Variants in PIK3C2G observed in about 807,000 individuals in gnomAD.
PIK3C2G encodes phosphatidylinositol 3-kinase C2 domain-containing subunit gamma.
In PIK3C2G, 168 loss-of-function variants were observed where a neutral mutation model predicts 181.1. The ratio of observed to expected loss-of-function variants is 0.93; its 90% CI spans 0.82 to 1.05. The LOEUF (loss-of-function observed/expected upper bound fraction) is 1.05. Among genes scored for constraint, PIK3C2G ranks in the 50% least tolerant of loss-of-function variants. The pLI is 0.00. For synonymous variants in PIK3C2G, 573 were observed against 592.2 expected (o/e 0.97, Z 0.47); for missense variants, 1,869 against 1,732.8 (o/e 1.08, Z -1.40).
At chr12:18,507,640 T>A (rs1236895002) in intron 24 of PIK3C2G, among the ~76,000 whole-genome samples, 1 of 152,182 alleles carries the variant, frequency 6.6e-6, no homozygotes, top group Non-Finnish European at 1.5e-5. Flanking sequence ...TCTACCTTTT[T>A]CTAAAAATTC....
At chr12:18,379,162 C>A (rs1220896706) in intron 13 of PIK3C2G, among the ~76,000 whole-genome samples, 1 of 151,960 alleles carries the variant, frequency 6.6e-6, no homozygotes, top group African/African-American at 2.4e-5. Context: ...GACACATATA[C>A]ACCATGGAAT....
chr12:18,696,060 A>G, the PIK3C2G span: 1 of 701,412 alleles, frequency 1.4e-6, no homozygotes, highest in Non-Finnish European at 2.4e-6. Flanking sequence ...TCTTTTACAG[A>G]AAGCCCTTTT....
At chr12:18,512,642 G>A (rs1942283176) in intron 24 of PIK3C2G, among the ~76,000 whole-genome samples, 2 of 151,728 alleles carry the variant, frequency 1.3e-5, no homozygotes, top group African/African-American at 4.8e-5. Context: ...TTGTATGTTT[G>A]TTTTGTGTCT....
chr12:18,555,738 C>T (rs554803768), intron 26 of PIK3C2G, among the ~76,000 whole-genome samples: 2 of 152,022 alleles, frequency 1.3e-5, no homozygotes, highest in African/African-American at 2.4e-5. Flanking sequence ...TACCTTTGAT[C>T]CACCTGAGAA....
At position 18,562,778 on chromosome 12, in the gene PIK3C2G, CAT is replaced by C; in HGVS notation, c.3668_3669del (p.Ile1223LysfsTer21). 6.2e-7 allele frequency: 1 copy of C among 1,607,530 alleles called. No homozygotes were observed. The highest frequency in any genetic ancestry group is 1.1e-5 in the South Asian group (1 of 89,782). ...TCCACACACTTGCACAAATGTCAGC[CAT>C]AAGCCCTGCCAAATCTACTTCACAG... is the stretch of plus-strand genomic sequence containing the variant. Reference protein sequence around the residue: ...LIHTLAQMSAISPAKSTSQTF... With the variant: ...LIHTLAQMSAXSPAKSTSQTF... On this transcript the variant is annotated frameshift_variant, in exon 27 of 33. Coordinates refer to ENST00000538779, the MANE Select transcript of PIK3C2G (RefSeq NM_001288772.2). LOFTEE classifies it high-confidence loss of function.
At chr12:18,721,372 G>C in the PIK3C2G span, among the ~76,000 whole-genome samples, 1 of 152,006 alleles carries the variant, frequency 6.6e-6, no homozygotes. Flanking sequence ...ACACCAAAGT[G>C]ATCAATAATC....
At chr12:18,264,807 C>A (rs1361591003) in intron 1 of PIK3C2G, among the ~76,000 whole-genome samples, 1 of 152,102 alleles carries the variant, frequency 6.6e-6, no homozygotes, top group Non-Finnish European at 1.5e-5. Context: ...TCTCTCTGGG[C>A]GTGGGGAGAA....
chr12:18,678,698 C>G, the PIK3C2G span, among the ~76,000 whole-genome samples: 2 of 152,068 alleles, frequency 1.3e-5, 1 homozygote, highest in Middle Eastern at 6.8e-3. Flanking sequence ...TCCTTTATTA[C>G]ATTAAATAGT....
At chr12:18,670,058 C>T in the PIK3C2G span, among the ~76,000 whole-genome samples, 1 of 152,082 alleles carries the variant, frequency 6.6e-6, no homozygotes, top group African/African-American at 2.4e-5. Flanking sequence ...AAAGATCCTA[C>T]CTCCTAATAC....
chr12:18,355,417 A>T (rs1046690743), intron 11 of PIK3C2G, among the ~76,000 whole-genome samples: 2 of 152,224 alleles, frequency 1.3e-5, no homozygotes, highest in Non-Finnish European at 2.9e-5. Context: ...CCAGGGAAAG[A>T]ACCTCTTGCT....
At chr12:18,307,346 A>G (rs1345711433) in intron 5 of PIK3C2G, among the ~76,000 whole-genome samples, 2 of 151,728 alleles carry the variant, frequency 1.3e-5, no homozygotes, top group African/African-American at 4.8e-5. Flanking sequence ...ATTAATATAC[A>G]GAAAGTTTGA....
chr12:18,526,203 CA>C (rs1447146886), intron 24 of PIK3C2G, among the ~76,000 whole-genome samples: 1 of 152,156 alleles, frequency 6.6e-6, no homozygotes, highest in Non-Finnish European at 1.5e-5. Context: ...CATTCTCCTT[CA>C]GTACAATATT....
chr12:18,480,459 G>A (rs1442558468), intron 18 of PIK3C2G, among the ~76,000 whole-genome samples: 5 of 152,054 alleles, frequency 3.3e-5, no homozygotes, highest in East Asian at 1.9e-4. Flanking sequence ...CATATGTTAC[G>A]TGTTAACATA....
intron 5 of PIK3C2G, among the ~76,000 whole-genome samples, chr12:18,311,374 T>C: frequency 6.6e-6 from 1 of 152,240 alleles, no homozygotes; most frequent in South Asian, 2.1e-4. Context: ...TGTAGTATTT[T>C]ATATGTAGTT....
intron 1 of PIK3C2G, among the ~76,000 whole-genome samples, chr12:18,250,269 GAAAA>G (rs529293335): frequency 1.3e-5 from 2 of 151,382 alleles, no homozygotes. Flanking sequence ...TGTACCAACA[GAAAA>G]AAAAGTGAAA....
the PIK3C2G span, among the ~76,000 whole-genome samples, chr12:18,717,236 TA>T: frequency 2.3e-3 from 351 of 152,200 alleles, 3 homozygotes; most frequent in Non-Finnish European, 6.8e-4. Flanking sequence ...TTTTCTCTCT[TA>T]AAAAAATTAA....
chr12:18,565,048 T>A (rs1476590620), intron 28 of PIK3C2G, among the ~76,000 whole-genome samples: 1 of 152,190 alleles, frequency 6.6e-6, no homozygotes, highest in African/African-American at 2.4e-5. Context: ...TCAAACTGTG[T>A]AAGCAACCTG....
chr12:18,556,682 A>G (rs566854114), intron 26 of PIK3C2G, among the ~76,000 whole-genome samples: 13 of 152,170 alleles, frequency 8.5e-5, no homozygotes, highest in Non-Finnish European at 1.5e-4. Context: ...TCCATAAATC[A>G]TGATTAATAT....
chr12:18,587,969 G>A (rs960750580), intron 29 of PIK3C2G, among the ~76,000 whole-genome samples: 1 of 151,788 alleles, frequency 6.6e-6, no homozygotes, highest in East Asian at 1.9e-4. Flanking sequence ...ATAGCCAACC[G>A]TTTTTTGACA....
Sources: allele counts gnomAD v4.1 joint callset (sites outside exome capture counted in the v4.1 genomes callset), GRCh38; gene constraint gnomAD v4.1.1; transcripts MANE v1.5; gene names NCBI Gene and HGNC (gene_info 2026-07-23, HGNC 2026-07-21).